Variants in ATP10B observed in about 807,000 individuals in gnomAD.
The protein encoded by ATP10B is phospholipid-transporting ATPase VB.
A neutral mutation model predicts 141.2 loss-of-function variants in ATP10B; 122 were observed. That is an observed-to-expected ratio of 0.86 (90% CI 0.75 to 1.00). The LOEUF (loss-of-function observed/expected upper bound fraction) is 1.00. ATP10B is among the 50% of genes least tolerant of loss of function. The probability of loss-of-function intolerance (pLI) is 0.00; values close to 1 mark genes in which losing one functional copy is unlikely to be tolerated. For missense variants in ATP10B, 1,876 were observed against 1,825.3 expected (o/e 1.03, Z -0.51); for synonymous variants, 685 against 692.0 (o/e 0.99, Z 0.16).
At position 160,852,130 on chromosome 5, in the gene ATP10B, G is replaced by A. The variant is rs189135955; in HGVS notation, c.-765C>T. Reference sequence around the variant, plus strand: ...AACACTCCCTCAGAAACTTAGAGAAGATGACACACTGAAAAGAAATAACTG... The same window carrying A: ...AACACTCCCTCAGAAACTTAGAGAAAATGACACACTGAAAAGAAATAACTG... On this transcript the variant is annotated 5_prime_UTR_variant, in exon 1 of 26. Coordinates refer to ENST00000327245, the MANE Select transcript of ATP10B (RefSeq NM_025153.3). 1 of 152,116 alleles carries A rather than the reference G, an allele frequency of 6.6e-6. No homozygotes were observed. The highest frequency in any genetic ancestry group is 1.5e-5 in the Non-Finnish European group (1 of 68,034). The allele number at this position is 152,116 out of a possible 1,614,324, so 9.4% of individuals were successfully genotyped here. A position where few individuals can be genotyped will look rare whatever the true frequency, so the allele number is the denominator to read the frequency against.
chr5:160,759,388 C>T (rs35721324), intron 2 of ATP10B, among the ~76,000 whole-genome samples: 16 of 152,124 alleles, frequency 1.1e-4, no homozygotes, highest in Non-Finnish European at 1.6e-4. Context: ...CAGGTAAACA[C>T]GATAACTTAT....
chr5:160,604,731 C>T (rs945945958), intron 19 of ATP10B, among the ~76,000 whole-genome samples: 8 of 152,184 alleles, frequency 5.3e-5, no homozygotes, highest in Non-Finnish European at 1.2e-4. Flanking sequence ...TAAACACACA[C>T]ACACGGTCTC....
intron 10 of ATP10B, among the ~76,000 whole-genome samples, chr5:160,636,961 TATCC>T (rs1179176101): frequency 6.9e-6 from 1 of 144,242 alleles, no homozygotes; most frequent in Non-Finnish European, 1.5e-5. Context: ...CTCACCCATC[TATCC>T]ATCCATCAAT....
At position 160,565,120 on chromosome 5, in the gene ATP10B, G is replaced by A. The variant is rs546145241; in HGVS notation, c.*333C>T. 1.2e-5 allele frequency: 3 copies of A among 252,244 alleles called. No homozygotes were observed. Among genetic ancestry groups the A allele is most frequent in the Admixed American group, 9.9e-5 (2 of 20,120 alleles). 15.6% of individuals were successfully genotyped at this position (252,244 alleles called of 1,614,324 possible). The stretch of plus-strand genomic sequence containing the variant: ...CACTTCTTGAATCTTGGAAACTTAC[G>A]GCACTGGGTTGTAGGCTACGCTTAT... On this transcript the variant is annotated 3_prime_UTR_variant, in exon 26 of 26. Transcript: ENST00000327245.
chr5:160,595,824 C>T (rs1233267707), intron 22 of ATP10B, among the ~76,000 whole-genome samples: 1 of 150,864 alleles, frequency 6.6e-6, no homozygotes. Context: ...CACATACACC[C>T]TCCCAATACT....
chr5:160,625,867 G>A (rs1373348445), intron 13 of ATP10B, among the ~76,000 whole-genome samples: 2 of 152,190 alleles, frequency 1.3e-5, no homozygotes, highest in African/African-American at 2.4e-5. Flanking sequence ...AACTCCTGCT[G>A]TCTGTTCATT....
chr5:160,567,328 C>A (rs909465499), intron 25 of ATP10B, among the ~76,000 whole-genome samples: 8 of 152,164 alleles, frequency 5.3e-5, no homozygotes, highest in African/African-American at 1.4e-4. Flanking sequence ...TTAAATATTT[C>A]TTCCTCAAGG....
At chr5:160,800,891 T>A (rs574380076) in intron 1 of ATP10B, among the ~76,000 whole-genome samples, 7 of 152,348 alleles carry the variant, frequency 4.6e-5, no homozygotes, top group African/African-American at 1.7e-4. Context: ...GAAATTTCCC[T>A]TTCATTTGAA....
At chr5:160,671,969 C>CTTT (rs70990741) in intron 6 of ATP10B, among the ~76,000 whole-genome samples, 5,865 of 68,382 alleles carry the variant, frequency 0.086, 707 homozygotes, top group East Asian at 0.21. Context: ...GCAATGCATC[C>CTTT]TTTTTTTTTT....
the ATP10B span, among the ~76,000 whole-genome samples, chr5:160,889,675 T>C: frequency 2.0e-5 from 3 of 152,066 alleles, no homozygotes; most frequent in African/African-American, 4.8e-5. Flanking sequence ...TAAAGACATG[T>C]GAGAATGGAA....
At chr5:160,681,489 AAAG>A (rs1486424240) in intron 6 of ATP10B, among the ~76,000 whole-genome samples, 2 of 152,178 alleles carry the variant, frequency 1.3e-5, no homozygotes, top group African/African-American at 4.8e-5. Flanking sequence ...ATGAACTTCA[AAAG>A]AAGAACCTAG....
the ATP10B span, among the ~76,000 whole-genome samples, chr5:160,862,169 G>T: frequency 6.6e-6 from 1 of 151,998 alleles, no homozygotes; most frequent in Admixed American, 6.6e-5. Context: ...CAGTTGTCTA[G>T]TTGAACACTA....
At position 160,627,692 on chromosome 5, in the gene ATP10B, T is replaced by G. The variant is rs116583564; in HGVS notation, c.1620+4437A>C. Among the ~76,000 whole-genome samples the G allele has an allele frequency of 2.5e-3, 382 of 152,186 alleles. 1 individual carries two copies. Among genetic ancestry groups the G allele is most frequent in the African/African-American group, 8.6e-3 (355 of 41,514 alleles). On this transcript the variant is annotated intron_variant, in intron 13 of 25. Transcript: ENST00000327245. ...GAATTCTAGCAGTCATTAAAAAAAATAAAAGATGAGGCAGCTCTCTATTGA... is the reference window on the plus strand; with the variant it reads ...GAATTCTAGCAGTCATTAAAAAAAAGAAAAGATGAGGCAGCTCTCTATTGA...
chr5:160,641,248 G>C (rs1487417441), intron 9 of ATP10B, among the ~76,000 whole-genome samples: 1 of 152,190 alleles, frequency 6.6e-6, no homozygotes, highest in African/African-American at 2.4e-5. Context: ...TTAGGCTGGG[G>C]AACTGTATAT....
intron 7 of ATP10B, among the ~76,000 whole-genome samples, chr5:160,653,206 CTATAT>C (rs1170627276): frequency 7.7e-6 from 1 of 130,420 alleles, no homozygotes; most frequent in Non-Finnish European, 1.6e-5. Flanking sequence ...ATATTATATA[CTATAT>C]ATCATATATA....
the ATP10B span, among the ~76,000 whole-genome samples, chr5:160,866,869 C>A: frequency 6.6e-6 from 1 of 151,942 alleles, no homozygotes; most frequent in Non-Finnish European, 1.5e-5. Context: ...CACCTGTACC[C>A]CCCAAACTGT....
chr5:160,755,617 C>T (rs11738687), intron 2 of ATP10B, among the ~76,000 whole-genome samples: 15,762 of 149,100 alleles, frequency 0.11, 1,047 homozygotes, highest in Admixed American at 0.21. Context: ...AGATCGAGAC[C>T]ATCCCGGCTA....
intron 1 of ATP10B, among the ~76,000 whole-genome samples, chr5:160,786,739 AG>A (rs1326176938): frequency 6.6e-6 from 1 of 152,150 alleles, no homozygotes; most frequent in Non-Finnish European, 1.5e-5. Context: ...AGCAAGGTAA[AG>A]ATTATTCACA....
intron 1 of ATP10B, among the ~76,000 whole-genome samples, chr5:160,821,113 C>A (rs1483644204): frequency 6.6e-6 from 1 of 151,956 alleles, no homozygotes; most frequent in Non-Finnish European, 1.5e-5. Context: ...TTTGGAAATA[C>A]CTAAAGACTA....
Sources: allele counts gnomAD v4.1 joint callset (sites outside exome capture counted in the v4.1 genomes callset), GRCh38; gene constraint gnomAD v4.1.1; transcripts MANE v1.5; gene names NCBI Gene and HGNC (gene_info 2026-07-23, HGNC 2026-07-21).